ADAMTSL1: variants seen among roughly 807,000 people sequenced by gnomAD.
ADAMTSL1 encodes the protein ADAMTS-like protein 1.
In ADAMTSL1, 126 loss-of-function variants were observed where a neutral mutation model predicts 201.8. The observed-to-expected ratio is 0.62, with a 90% CI of 0.54 to 0.72. The LOEUF (loss-of-function observed/expected upper bound fraction) is 0.72, where lower values mean the gene tolerates loss of function less well. Ranked by LOEUF, ADAMTSL1 falls within the 30% of genes least tolerant of loss-of-function variation. ADAMTSL1 has a pLI of 0.00. For missense variants in ADAMTSL1, 2,679 were observed against 2,277.8 expected, an observed-to-expected ratio of 1.18 and a Z score of -3.59; for synonymous variants, 1,121 against 903.4, an observed-to-expected ratio of 1.24 and a Z score of -4.32.
intron 13 of ADAMTSL1, among the ~76,000 whole-genome samples, chr9:18,694,913 T>C (rs751169778): frequency 1.3e-5 from 2 of 152,178 alleles, no homozygotes; most frequent in Non-Finnish European, 2.9e-5. Context: ...TTTCCGTACA[T>C]CCTCTGAAAT....
intron 2 of ADAMTSL1, among the ~76,000 whole-genome samples, chr9:18,239,472 C>G (rs1830975514): frequency 6.6e-6 from 1 of 152,176 alleles, no homozygotes; most frequent in Admixed American, 6.5e-5. Flanking sequence ...GGCACCATGG[C>G]TCACACCTAT....
chr9:18,102,536 C>T (rs1824576563), intron 1 of ADAMTSL1, among the ~76,000 whole-genome samples: 1 of 152,068 alleles, frequency 6.6e-6, no homozygotes, highest in Non-Finnish European at 1.5e-5. Context: ...CAGAAAGGTC[C>T]ACAAAAGAGT....
intron 15 of ADAMTSL1, among the ~76,000 whole-genome samples, chr9:18,746,157 C>G (rs1819131058): frequency 6.6e-6 from 1 of 152,116 alleles, no homozygotes; most frequent in African/African-American, 2.4e-5. Flanking sequence ...AGTAAGGTGA[C>G]CAGATTCACA....
chr9:18,888,393 C>A (rs1431982846), intron 24 of ADAMTSL1, among the ~76,000 whole-genome samples: 1 of 152,238 alleles, frequency 6.6e-6, no homozygotes, highest in Non-Finnish European at 1.5e-5. Flanking sequence ...CTCACACACA[C>A]AGAGTAGCCT....
intron 2 of ADAMTSL1, among the ~76,000 whole-genome samples, chr9:18,204,619 C>A (rs1345208660): frequency 3.3e-5 from 5 of 152,232 alleles, no homozygotes; most frequent in Non-Finnish European, 5.9e-5. Context: ...GACCCCTAAA[C>A]CACCCTGCTC....
At chr9:18,441,802 C>T (rs993303672) in intron 2 of ADAMTSL1, among the ~76,000 whole-genome samples, 3 of 152,060 alleles carry the variant, frequency 2.0e-5, no homozygotes, top group Non-Finnish European at 4.4e-5. Context: ...TACAGTTTCT[C>T]CAAATGGTTG....
At chr9:18,613,106 A>G (rs926957513) in intron 4 of ADAMTSL1, among the ~76,000 whole-genome samples, 11 of 152,222 alleles carry the variant, frequency 7.2e-5, no homozygotes, top group Non-Finnish European at 1.3e-4. Flanking sequence ...GAGCATATGG[A>G]AAAAAAGCTC....
chr9:18,289,045 T>C (rs58127290), intron 2 of ADAMTSL1, among the ~76,000 whole-genome samples: 19,193 of 152,152 alleles, frequency 0.13, 1,290 homozygotes, highest in Middle Eastern at 0.18. Context: ...TTAGAGGTAG[T>C]AGAATTATAT....
chr9:18,763,689 A>G (rs1820198682), intron 16 of ADAMTSL1, among the ~76,000 whole-genome samples: 1 of 152,036 alleles, frequency 6.6e-6, no homozygotes, highest in East Asian at 1.9e-4. Context: ...GTCTATTTTC[A>G]TTACTCTGCA....
At chr9:18,637,966 C>G (rs537315934) in intron 6 of ADAMTSL1, among the ~76,000 whole-genome samples, 1 of 152,140 alleles carries the variant, frequency 6.6e-6, no homozygotes, top group Admixed American at 6.6e-5. Flanking sequence ...AGAAATATTT[C>G]TACAAGTGCC....
intron 2 of ADAMTSL1, among the ~76,000 whole-genome samples, chr9:18,225,732 A>C (rs1830413700): frequency 6.6e-6 from 1 of 152,172 alleles, no homozygotes; most frequent in South Asian, 2.1e-4. Context: ...ATTCATGCAG[A>C]GAAGAAAAAA....
chr9:18,197,834 A>G (rs1390606173), intron 2 of ADAMTSL1, among the ~76,000 whole-genome samples: 1 of 152,108 alleles, frequency 6.6e-6, no homozygotes, highest in Non-Finnish European at 1.5e-5. Flanking sequence ...AGCTGGAGGC[A>G]TCACACTACC....
chr9:18,893,287 T>G (rs1169734006), intron 26 of ADAMTSL1, among the ~76,000 whole-genome samples: 2 of 152,112 alleles, frequency 1.3e-5, no homozygotes, highest in African/African-American at 4.8e-5. Flanking sequence ...AAAATTACAA[T>G]AGCAAACAGA....
chr9:18,014,097 G>T (rs1457451951), intron 1 of ADAMTSL1, among the ~76,000 whole-genome samples: 2 of 151,958 alleles, frequency 1.3e-5, no homozygotes, highest in Admixed American at 1.3e-4. Context: ...AAAATAAGAG[G>T]TTCATTTTAA....
At chr9:18,893,548 G>C (rs1260953503) in intron 26 of ADAMTSL1, among the ~76,000 whole-genome samples, 3 of 152,158 alleles carry the variant, frequency 2.0e-5, no homozygotes, top group Non-Finnish European at 4.4e-5. Flanking sequence ...TAATATGGTA[G>C]GTCTGAGGTA....
chr9:18,642,677 C>T (rs10963700), intron 7 of ADAMTSL1, among the ~76,000 whole-genome samples: 39,928 of 151,746 alleles, frequency 0.26, 5,910 homozygotes, highest in East Asian at 0.66. Context: ...ATTAATATCA[C>T]GCAGTATTTG....
rs781157451 is a variant in ADAMTSL1 at position 18,817,132 on chromosome 9, C to T, written c.3829C>T (p.Arg1277Ter). ...AGGAAAGCCACTAGTGAAAACGTCA[C>T]GAATGACAGTGATCAACACGGAGAA... ...LAGKPLVKTS[R>*]MTVINTEKPA... Residue 1277 changes from arginine to a stop codon, truncating the protein, a stop_gained, in exon 21 of 29, where the codon CGA becomes TGA. Coordinates refer to ENST00000380548, the MANE Select transcript of ADAMTSL1 (RefSeq NM_001040272.6). LOFTEE classifies it high-confidence loss of function. 6 of 1,606,760 alleles carry T rather than the reference C, an allele frequency of 3.7e-6. No homozygotes were observed. Among genetic ancestry groups the T allele is most frequent in the Non-Finnish European group, 5.1e-6 (6 of 1,176,782 alleles).
chr9:18,397,424 G>GA (rs1393287231), intron 2 of ADAMTSL1, among the ~76,000 whole-genome samples: 1 of 152,004 alleles, frequency 6.6e-6, no homozygotes, highest in East Asian at 1.9e-4. Context: ...CTCCAAAAAA[G>GA]AAAAAAAGCT....
Position 18,777,178 on chromosome 9 carries a change from G to T in ADAMTSL1, c.2949G>T (p.Gly983=), listed in dbSNP as rs764146864. The change falls in exon 19 of 29, where the codon GGG becomes GGT. Residue 983 remains glycine, a synonymous_variant. Transcript: ENST00000380548. The part of the protein sequence containing the change: ...SPRSEEEVLA[G]RKGGPKEALQ... ...GAAGTGAGGAAGAGGTGCTTGCGGGGAGGAAGGGCGGCCCGAAGGAGGCCC... is the reference window on the plus strand; with the variant it reads ...GAAGTGAGGAAGAGGTGCTTGCGGGTAGGAAGGGCGGCCCGAAGGAGGCCC... 7.4e-6 allele frequency: 12 copies of T among 1,612,778 alleles called. No homozygotes were observed. The highest frequency in any genetic ancestry group is 1.0e-5 in the Non-Finnish European group (12 of 1,179,826).
Sources: gnomAD v4.1 joint callset for allele counts (sites outside exome capture counted in the v4.1 genomes callset) on GRCh38, gnomAD v4.1.1 for gene constraint, MANE v1.5 for transcripts, NCBI Gene and HGNC (gene_info 2026-07-23, HGNC 2026-07-21) for gene names.